Variants in TNRC6A observed in about 807,000 individuals in gnomAD.
TNRC6A encodes trinucleotide repeat containing adaptor 6A.
A neutral mutation model predicts 221.2 loss-of-function variants in TNRC6A; 44 were observed. The observed-to-expected ratio is 0.20, with a 90% CI of 0.16 to 0.26. The LOEUF (loss-of-function observed/expected upper bound fraction) is 0.26. Ranked by LOEUF, TNRC6A falls within the 10% of genes least tolerant of loss-of-function variation. The pLI is 1.00. For synonymous variants in TNRC6A, 847 were observed against 838.5 expected, an observed-to-expected ratio of 1.01 and a Z score of -0.18; for missense variants, 2,199 against 2,404.4, an observed-to-expected ratio of 0.91 and a Z score of 1.79.
chr16:24,685,264 G>A (rs2055603952), intron 2 of TNRC6A, among the ~76,000 whole-genome samples: 1 of 152,128 alleles, frequency 6.6e-6, no homozygotes, highest in African/African-American at 2.4e-5. Flanking sequence ...TCAAGGTAGT[G>A]GCGTATACAC....
intron 3 of TNRC6A, among the ~76,000 whole-genome samples, chr16:24,756,141 A>G (rs1324190717): frequency 6.6e-6 from 1 of 152,198 alleles, no homozygotes; most frequent in Non-Finnish European, 1.5e-5. Context: ...ACATGTCAGT[A>G]TAAAGTATTT....
At chr16:24,798,518 A>G (rs2058266322) in intron 11 of TNRC6A, among the ~76,000 whole-genome samples, 1 of 152,228 alleles carries the variant, frequency 6.6e-6, no homozygotes, top group Non-Finnish European at 1.5e-5. Flanking sequence ...TTGATTATAG[A>G]TTGAAAATAG....
chr16:24,818,661 T>C lies in TNRC6A; in HGVS notation c.5041T>C (p.Tyr1681His). 1 of 1,614,118 alleles carries C rather than the reference T, an allele frequency of 6.2e-7. No individual in the cohort carries two copies. Among genetic ancestry groups the C allele is most frequent in the South Asian group, 1.1e-5 (1 of 91,080 alleles). ...SAWSSIRASN[Y>H]NVPLSSTAQS... ...CTGGTCATCCATTCGTGCCTCCAAC[T>C]ACAACGTTCCCCTCAGCAGTACAGC... The change falls in exon 21 of 25, where the codon TAC (tyrosine) becomes CAC (histidine). Residue 1681 changes from tyrosine (Y) to histidine (H), a missense_variant. Coordinates refer to ENST00000395799, the MANE Select transcript of TNRC6A (RefSeq NM_014494.4).
intron 2 of TNRC6A, among the ~76,000 whole-genome samples, chr16:24,668,714 G>C (rs983924434): frequency 6.6e-5 from 10 of 152,124 alleles, no homozygotes; most frequent in African/African-American, 2.4e-4. Context: ...CTTAATTAAG[G>C]CCAGCCATGA....
At chr16:24,740,928 C>T (rs72768673) in intron 2 of TNRC6A, among the ~76,000 whole-genome samples, 7,616 of 152,266 alleles carry the variant, frequency 0.05, 293 homozygotes, top group Middle Eastern at 0.075. Context: ...TTTCACTTAG[C>T]ATAGTGTCCT....
chr16:24,767,325 A>G (rs2057495669), intron 4 of TNRC6A, among the ~76,000 whole-genome samples: 1 of 152,216 alleles, frequency 6.6e-6, no homozygotes, highest in Admixed American at 6.5e-5. Flanking sequence ...TAGTGTGTTG[A>G]ATGCTTCTCT....
intron 4 of TNRC6A, among the ~76,000 whole-genome samples, chr16:24,758,717 T>C (rs768722074): frequency 3.9e-5 from 6 of 152,148 alleles, no homozygotes; most frequent in Non-Finnish European, 7.4e-5. Context: ...CCCCACTGTA[T>C]CCCTTAAGAG....
chr16:24,742,660 G>A (rs760758762), intron 2 of TNRC6A, among the ~76,000 whole-genome samples: 2 of 152,178 alleles, frequency 1.3e-5, no homozygotes, highest in East Asian at 1.9e-4. Flanking sequence ...AGTGGCTCAC[G>A]CCTGTAATCC....
intron 2 of TNRC6A, among the ~76,000 whole-genome samples, chr16:24,748,615 C>A (rs199686269): frequency 6.6e-6 from 1 of 152,140 alleles, no homozygotes; most frequent in Non-Finnish European, 1.5e-5. Flanking sequence ...AAGTTTTTAT[C>A]AATTGTGCAT....
At chr16:24,709,876 C>T (rs866038826) in intron 2 of TNRC6A, among the ~76,000 whole-genome samples, 11 of 150,676 alleles carry the variant, frequency 7.3e-5, no homozygotes, top group African/African-American at 2.7e-4. Flanking sequence ...TATTCCACTT[C>T]GATGATTCTC....
chr16:24,773,620 A>G (rs929507010), intron 4 of TNRC6A, among the ~76,000 whole-genome samples: 6 of 152,178 alleles, frequency 3.9e-5, no homozygotes, highest in African/African-American at 1.4e-4. Flanking sequence ...CCTGTTTTCA[A>G]GATACATGGT....
chr16:24,677,958 G>A (rs1447089094), intron 2 of TNRC6A, among the ~76,000 whole-genome samples: 1 of 152,058 alleles, frequency 6.6e-6, no homozygotes, highest in African/African-American at 2.4e-5. Context: ...TCATACGCTT[G>A]TACAATCCCC....
chr16:24,776,890 T>G (rs774999160), intron 4 of TNRC6A, 43 bp from the exon 5 acceptor site: 1 of 1,579,146 alleles, frequency 6.3e-7, no homozygotes, highest in African/African-American at 1.3e-5. Flanking sequence ...AGGTACACTT[T>G]ACTGGCTAAT....
chr16:24,724,884 A>G (rs1596550969), upstream of TNRC6A, among the ~76,000 whole-genome samples: 1 of 152,160 alleles, frequency 6.6e-6, no homozygotes, highest in Non-Finnish European at 1.5e-5. Context: ...ATATCTCACA[A>G]TGCTGTTTGG....
At chr16:24,747,675 T>C (rs904285731) in intron 2 of TNRC6A, among the ~76,000 whole-genome samples, 2 of 152,118 alleles carry the variant, frequency 1.3e-5, no homozygotes, top group South Asian at 2.1e-4. Context: ...GGAGGAGATA[T>C]GGGAAAAAGC....
At chr16:24,633,144 C>T (rs965468389) in intron 1 of TNRC6A, among the ~76,000 whole-genome samples, 11 of 152,114 alleles carry the variant, frequency 7.2e-5, no homozygotes, top group African/African-American at 1.4e-4. Context: ...GGTACTTGAA[C>T]CTACCAAGCT....
chr16:24,745,182 T>G (rs1273232469), intron 2 of TNRC6A, among the ~76,000 whole-genome samples: 1 of 152,216 alleles, frequency 6.6e-6, no homozygotes, highest in East Asian at 1.9e-4. Flanking sequence ...TTTTATCCTA[T>G]TCTCTTCATT....
At chr16:24,675,406 C>T (rs915537738) in intron 2 of TNRC6A, among the ~76,000 whole-genome samples, 6 of 151,650 alleles carry the variant, frequency 4.0e-5, no homozygotes, top group Non-Finnish European at 7.4e-5. Flanking sequence ...CCAAGCCAGG[C>T]ACTGTGGTTC....
chr16:24,634,798 C>G (rs1157357588), intron 1 of TNRC6A, among the ~76,000 whole-genome samples: 1 of 152,200 alleles, frequency 6.6e-6, no homozygotes, highest in Non-Finnish European at 1.5e-5. Flanking sequence ...AATCTTAGCC[C>G]TTTCTCATGG....
Sources: allele counts gnomAD v4.1 joint callset (sites outside exome capture counted in the v4.1 genomes callset), GRCh38; gene constraint gnomAD v4.1.1; transcripts MANE v1.5; gene names NCBI Gene and HGNC (gene_info 2026-07-23, HGNC 2026-07-21).